ELMOD3: variants seen among roughly 807,000 people sequenced by gnomAD.
ELMOD3 encodes ELMO domain containing 3.
In ELMOD3, 36 loss-of-function variants were observed where a neutral mutation model predicts 47.4. The observed-to-expected ratio is 0.76, with a 90% CI of 0.58 to 1.00. The LOEUF is 1.00. ELMOD3 is among the 50% of genes least tolerant of loss of function. The probability of loss-of-function intolerance (pLI) is 0.00; values close to 1 mark genes in which losing one functional copy is unlikely to be tolerated. For missense variants in ELMOD3, 404 were observed against 463.8 expected (o/e 0.87, Z 1.18); for synonymous variants, 149 against 183.5 (o/e 0.81, Z 1.52).
At position 85,391,162 on chromosome 2, in the gene ELMOD3, C is replaced by CCG; in HGVS notation, c.*202_*203dup. 3.4e-6 allele frequency: 2 copies of CCG among 586,072 alleles called. No individual in the cohort carries two copies. The highest frequency in any genetic ancestry group is 4.2e-5 in the South Asian group (2 of 48,044). 36.3% of individuals were successfully genotyped at this position (586,072 alleles called of 1,614,324 possible). The stretch of plus-strand genomic sequence containing the variant: ...GGGGCAGCTAGACTTCACCCCCTTC[C>CCG]CGCAGACCTGCCTCCAGAGCAAGGA... On this transcript the variant is annotated 3_prime_UTR_variant, in exon 14 of 14. Coordinates refer to ENST00000409013, the MANE Select transcript of ELMOD3 (RefSeq NM_001135022.2).
intron 4 of ELMOD3, among the ~76,000 whole-genome samples, chr2:85,358,788 C>T (rs7599368): frequency 6.6e-6 from 1 of 151,964 alleles, no homozygotes; most frequent in Admixed American, 6.6e-5. Context: ...AAGTACAGAA[C>T]GATATATGTA....
In ELMOD3 at chr2:85,368,685, G is replaced by A; in HGVS notation, c.200-1G>A. On this transcript the variant is annotated splice_acceptor_variant, in intron 6 of 13. Transcript: ENST00000409013. LOFTEE classifies it high-confidence loss of function. The stretch of plus-strand genomic sequence containing the variant: ...GGTCTCCTTTTCTCCTACTATTGCA[G>A]TTGTGAGTACAGAGGTGGTCAGAGC... The A allele has an allele frequency of 1.9e-6, 3 of 1,614,082 alleles. No individual in the cohort carries two copies. The East Asian group carries it at 6.7e-5, about 36-fold the overall frequency.
chr2:85,378,739 A>G (rs1685339993), intron 11 of ELMOD3, among the ~76,000 whole-genome samples: 1 of 152,148 alleles, frequency 6.6e-6, no homozygotes. Flanking sequence ...GGCCCAAGAT[A>G]TTTTCCTTTC....
chr2:85,386,726 T>C (rs1685955906), intron 11 of ELMOD3, among the ~76,000 whole-genome samples: 1 of 151,996 alleles, frequency 6.6e-6, no homozygotes, highest in East Asian at 2.0e-4. Context: ...CTGGGTGTGG[T>C]GGCTCACGCC....
intron 4 of ELMOD3, among the ~76,000 whole-genome samples, chr2:85,359,120 T>G (rs1683763582): frequency 2.0e-5 from 3 of 152,138 alleles, no homozygotes; most frequent in African/African-American, 7.2e-5. Context: ...ACATTTAGGT[T>G]TTTCCAGCCT....
intron 6 of ELMOD3, among the ~76,000 whole-genome samples, chr2:85,366,641 C>T (rs544713882): frequency 6.6e-6 from 1 of 152,362 alleles, no homozygotes; most frequent in South Asian, 2.1e-4. Context: ...TGAAGACATA[C>T]AGCTAGTAAG....
At chr2:85,381,748 C>T (rs1013211007) in intron 11 of ELMOD3, among the ~76,000 whole-genome samples, 5 of 152,166 alleles carry the variant, frequency 3.3e-5, no homozygotes, top group Admixed American at 6.5e-5. Flanking sequence ...TTTCTGGCCC[C>T]GTGTCTTAGG....
At position 85,374,843 on chromosome 2, in the gene ELMOD3, G is replaced by A. The variant is rs192481316; in HGVS notation, c.608-2501G>A. ...AAGATCTTTGCTGGCCGGGCGCGGT[G>A]GCTCATCCTGTAATCCCAGCATTTT... On this transcript the variant is annotated intron_variant, in intron 10 of 13. Transcript: ENST00000409013. Among the ~76,000 whole-genome samples the A allele has an allele frequency of 3.1e-3, 465 of 152,102 alleles. 1 individual carries two copies. Among genetic ancestry groups the A allele is most frequent in the African/African-American group, 0.01 (431 of 41,516 alleles).
intron 8 of ELMOD3, among the ~76,000 whole-genome samples, chr2:85,370,794 GTGGAATACCTAGTTC>G (rs1252110497): frequency 6.6e-6 from 1 of 152,220 alleles, no homozygotes; most frequent in Non-Finnish European, 1.5e-5. Context: ...GTGGGAGTCA[GTGGAATACCTAGTTC>G]TGGAAAAGCC....
Position 85,390,974 on chromosome 2 carries a change from A to C in ELMOD3, c.*12A>C, listed in dbSNP as rs752052156. 2 of 1,548,538 alleles carry C rather than the reference A, an allele frequency of 1.3e-6. No individual in the cohort carries two copies. The highest frequency in any genetic ancestry group is 2.4e-5 in the South Asian group (2 of 83,930). On this transcript the variant is annotated 3_prime_UTR_variant, in exon 14 of 14. Coordinates refer to ENST00000409013, the MANE Select transcript of ELMOD3 (RefSeq NM_001135022.2). ...TATGGCTGATCTGACCTCCGAGATG[A>C]ATGGAGGCTTAAAGGCTGAGCTGCA...
chr2:85,369,490 G>A (rs914773382), intron 7 of ELMOD3, among the ~76,000 whole-genome samples: 25 of 152,168 alleles, frequency 1.6e-4, no homozygotes, highest in African/African-American at 5.3e-4. Context: ...GGATCACCTC[G>A]TGGGGCAGAT....
intron 13 of ELMOD3, 97 bp from the exon 14 acceptor site, chr2:85,390,663 T>C: frequency 6.7e-7 from 1 of 1,499,384 alleles, no homozygotes; most frequent in South Asian, 1.3e-5. Flanking sequence ...GGATAGGGGT[T>C]GGGGGTACTC....
At chr2:85,358,511 TGAG>T (rs2104476095) in intron 4 of ELMOD3, among the ~76,000 whole-genome samples, 1 of 151,908 alleles carries the variant, frequency 6.6e-6, no homozygotes, top group East Asian at 1.9e-4. Flanking sequence ...GGGATGGAAG[TGAG>T]GAGAGGGATC....
At chr2:85,387,173 A>G in intron 11 of ELMOD3, 1 of 1,274,662 alleles carries the variant, frequency 7.8e-7, no homozygotes, top group Non-Finnish European at 1.0e-6. Flanking sequence ...CTGAAGGTAC[A>G]GAGGTATACA....
At chr2:85,360,127 G>A (rs899345253) in intron 4 of ELMOD3, among the ~76,000 whole-genome samples, 11 of 151,910 alleles carry the variant, frequency 7.2e-5, no homozygotes, top group South Asian at 2.1e-4. Flanking sequence ...TTAGCAGGGC[G>A]TGGTGGCGCA....
chr2:85,388,716 C>T (rs572810886), intron 11 of ELMOD3, among the ~76,000 whole-genome samples: 56 of 152,342 alleles, frequency 3.7e-4, no homozygotes, highest in Non-Finnish European at 6.6e-4. Flanking sequence ...GCACACGTGA[C>T]TACTGAGCAC....
intron 4 of ELMOD3, among the ~76,000 whole-genome samples, chr2:85,359,955 C>G (rs1174657406): frequency 6.6e-6 from 1 of 151,868 alleles, no homozygotes; most frequent in Non-Finnish European, 1.5e-5. Flanking sequence ...CACCTGTGGT[C>G]CCAGCTGCTT....
intron 10 of ELMOD3, among the ~76,000 whole-genome samples, chr2:85,375,124 A>G (rs1035104781): frequency 1.3e-5 from 2 of 152,116 alleles, no homozygotes; most frequent in Non-Finnish European, 2.9e-5. Flanking sequence ...GTTTTCAGGA[A>G]TTTGACTGTG....
At chr2:85,355,780 T>A (rs1177859859) in intron 3 of ELMOD3, 182 bp downstream of exon 3, 1 of 152,336 alleles carries the variant, frequency 6.6e-6, no homozygotes, top group East Asian at 1.9e-4. Context: ...GAGGCAGATG[T>A]TGAGGCCCCA....
Sources: gnomAD v4.1 joint callset for allele counts (sites outside exome capture counted in the v4.1 genomes callset) on GRCh38, gnomAD v4.1.1 for gene constraint, MANE v1.5 for transcripts, NCBI Gene and HGNC (gene_info 2026-07-23, HGNC 2026-07-21) for gene names.